PPP1CB: variants seen among roughly 807,000 people sequenced by gnomAD.
The protein encoded by PPP1CB is serine/threonine-protein phosphatase PP1-beta catalytic subunit.
A neutral mutation model predicts 43.7 loss-of-function variants in PPP1CB; 2 were observed. That is an observed-to-expected ratio of 0.05 (90% CI 0.02 to 0.14). PPP1CB has a LOEUF of 0.14. PPP1CB is among the 10% of genes least tolerant of loss of function. The pLI, the probability that PPP1CB is intolerant of heterozygous loss-of-function variation, is 1.00. For missense variants in PPP1CB, 84 were observed against 398.0 expected (o/e 0.21, Z 6.71); for synonymous variants, 136 against 135.6 (o/e 1.00, Z -0.02).
intron 6 of PPP1CB, among the ~76,000 whole-genome samples, chr2:28,791,293 C>T (rs998996780): frequency 6.6e-5 from 10 of 151,838 alleles, no homozygotes; most frequent in Non-Finnish European, 1.2e-4. Context: ...GTCATGTTCC[C>T]ACATCCTTTG....
chr2:28,755,863 GTA>G (rs1666478069), intron 1 of PPP1CB, among the ~76,000 whole-genome samples: 1 of 152,156 alleles, frequency 6.6e-6, no homozygotes, highest in Non-Finnish European at 1.5e-5. Context: ...AGTTGATATA[GTA>G]TGTCTATTAT....
rs1667588848 is a variant in PPP1CB at position 28,800,319 on chromosome 2, C to G, written c.*1016C>G. On this transcript the variant is annotated 3_prime_UTR_variant, in exon 8 of 8. Coordinates refer to ENST00000395366, the MANE Select transcript of PPP1CB (RefSeq NM_002709.3). The stretch of plus-strand genomic sequence containing the variant: ...TTTGACAAGCCTTGGAAAGCTGACA[C>G]TGTCTCTTTTTCCTCCCTCTATACG... 7.3e-6 allele frequency: 1 copy of G among 137,246 alleles called. No individual in the cohort carries two copies. The highest frequency in any genetic ancestry group is 2.4e-4 in the South Asian group (1 of 4,144). The allele number at this position is 137,246 out of a possible 1,614,324, so 8.5% of individuals were successfully genotyped here.
chr2:28,759,209 C>T (rs144993229), intron 1 of PPP1CB, among the ~76,000 whole-genome samples: 1 of 152,290 alleles, frequency 6.6e-6, no homozygotes, highest in African/African-American at 2.4e-5. Context: ...ACCTATTGCA[C>T]TGCCAGTTGT....
chr2:28,768,223 T>C (rs908213111), intron 1 of PPP1CB, among the ~76,000 whole-genome samples: 1 of 152,138 alleles, frequency 6.6e-6, no homozygotes, highest in African/African-American at 2.4e-5. Context: ...CTGGCTTTTT[T>C]CCCTGGAGAC....
chr2:28,788,344 T>C (rs971553534), intron 5 of PPP1CB, among the ~76,000 whole-genome samples: 1 of 152,244 alleles, frequency 6.6e-6, no homozygotes, highest in Non-Finnish European at 1.5e-5. Context: ...GTTATTCATA[T>C]GGAGAAACTA....
intron 4 of PPP1CB, chr2:28,782,456 T>A (rs1667175053): frequency 6.5e-6 from 1 of 153,400 alleles, no homozygotes; most frequent in Non-Finnish European, 1.4e-5. Context: ...AACAGATAAT[T>A]GAGTAATAAA....
At chr2:28,789,816 C>G (rs1667349443) in intron 6 of PPP1CB, among the ~76,000 whole-genome samples, 1 of 151,898 alleles carries the variant, frequency 6.6e-6, no homozygotes, top group African/African-American at 2.4e-5. Context: ...CCAGGCTGCC[C>G]TTGAACTCCT....
At chr2:28,777,981 A>T (rs747547843) in intron 2 of PPP1CB, among the ~76,000 whole-genome samples, 71 of 152,344 alleles carry the variant, frequency 4.7e-4, no homozygotes, top group Non-Finnish European at 8.4e-4. Context: ...TGGATCAGTT[A>T]ACTTAGAATA....
intron 1 of PPP1CB, among the ~76,000 whole-genome samples, chr2:28,769,216 GA>G (rs1666847579): frequency 6.6e-6 from 1 of 151,946 alleles, no homozygotes; most frequent in Non-Finnish European, 1.5e-5. Context: ...AGCACTGAAA[GA>G]AAAAAAATGA....
At chr2:28,796,712 A>T (rs1193590205) in intron 7 of PPP1CB, among the ~76,000 whole-genome samples, 1 of 152,126 alleles carries the variant, frequency 6.6e-6, no homozygotes, top group Non-Finnish European at 1.5e-5. Context: ...TAGAATCATT[A>T]TCGTCAGTAA....
At chr2:28,781,632 A>T (rs750842209) in intron 3 of PPP1CB, 106 bp from the exon 4 acceptor site, 9 of 778,594 alleles carry the variant, frequency 1.2e-5, no homozygotes, top group Non-Finnish European at 1.9e-5. Flanking sequence ...ATAGATAAAC[A>T]TGAAGAAATG....
At chr2:28,783,815 A>G (rs1377775834) in intron 4 of PPP1CB, 92 bp from the exon 5 acceptor site, 1 of 842,438 alleles carries the variant, frequency 1.2e-6, no homozygotes, top group Non-Finnish European at 1.9e-6. Flanking sequence ...TCACATAGTG[A>G]ATCTATTTTG....
intron 1 of PPP1CB, among the ~76,000 whole-genome samples, chr2:28,772,306 GA>G (rs899115678): frequency 1.1e-4 from 16 of 150,906 alleles, no homozygotes; most frequent in African/African-American, 3.2e-4. Flanking sequence ...ATCTCAAAAA[GA>G]AAAAAAAGGG....
intron 1 of PPP1CB, among the ~76,000 whole-genome samples, chr2:28,759,874 C>T (rs980054132): frequency 3.9e-5 from 6 of 152,138 alleles, no homozygotes; most frequent in African/African-American, 1.2e-4. Flanking sequence ...CTGCCTCGGC[C>T]TCCCAAAGTG....
chr2:28,786,008 A>G (rs1216483907), intron 5 of PPP1CB, among the ~76,000 whole-genome samples: 2 of 152,078 alleles, frequency 1.3e-5, no homozygotes, highest in Admixed American at 6.6e-5. Context: ...AGTTATTTTG[A>G]TCTTTGATAG....
intron 1 of PPP1CB, among the ~76,000 whole-genome samples, chr2:28,772,114 C>T (rs550905704): frequency 2.0e-4 from 31 of 152,070 alleles, no homozygotes; most frequent in African/African-American, 7.2e-4. Context: ...GTTAGGAGTT[C>T]GAGATGAGCC....
intron 1 of PPP1CB, among the ~76,000 whole-genome samples, chr2:28,761,541 G>C (rs1053809999): frequency 2.6e-5 from 4 of 152,184 alleles, no homozygotes; most frequent in African/African-American, 9.7e-5. Context: ...ACAAACCTGA[G>C]CTAGGAAATA....
intron 6 of PPP1CB, among the ~76,000 whole-genome samples, chr2:28,789,177 G>A (rs1271457817): frequency 1.3e-5 from 2 of 152,080 alleles, no homozygotes; most frequent in African/African-American, 2.4e-5. Context: ...CTAGTGATTT[G>A]TTAACCTTTT....
intron 1 of PPP1CB, among the ~76,000 whole-genome samples, chr2:28,753,263 A>G (rs1367573317): frequency 2.0e-5 from 3 of 152,218 alleles, no homozygotes; most frequent in African/African-American, 4.8e-5. Flanking sequence ...TTTGCTTTCA[A>G]ATTACCTTAA....
Sources: allele counts gnomAD v4.1 joint callset (sites outside exome capture counted in the v4.1 genomes callset), GRCh38; gene constraint gnomAD v4.1.1; transcripts MANE v1.5; gene names NCBI Gene and HGNC (gene_info 2026-07-23, HGNC 2026-07-21).